UNC5C: variants seen among roughly 807,000 people sequenced by gnomAD.
UNC5C encodes the protein unc-5 netrin receptor C.
In UNC5C, 47 loss-of-function variants were observed where a neutral mutation model predicts 99.8. The ratio of observed to expected loss-of-function variants is 0.47; its 90% CI spans 0.37 to 0.60. UNC5C has a LOEUF of 0.60. Among genes scored for constraint, UNC5C ranks in the 20% least tolerant of loss-of-function variants. The pLI is 0.00. For missense variants in UNC5C, 1,062 were observed against 1,165.9 expected (o/e 0.91, Z 1.30); for synonymous variants, 487 against 452.2 (o/e 1.08, Z -0.98).
intron 12 of UNC5C, among the ~76,000 whole-genome samples, chr4:95,189,914 A>G (rs1176430776): frequency 6.6e-6 from 1 of 152,224 alleles, no homozygotes; most frequent in Non-Finnish European, 1.5e-5. Context: ...TAGTTCAGCC[A>G]TTGTGGAAGT....
At chr4:95,490,056 A>G (rs79471698) in intron 1 of UNC5C, among the ~76,000 whole-genome samples, 17,408 of 151,506 alleles carry the variant, frequency 0.11, 1,220 homozygotes, top group African/African-American at 0.19. Context: ...CCCCAGATGG[A>G]GTCCTGAGGC....
At chr4:95,175,285 T>G (rs1303476897) in intron 14 of UNC5C, among the ~76,000 whole-genome samples, 1 of 151,976 alleles carries the variant, frequency 6.6e-6, no homozygotes, top group African/African-American at 2.4e-5. Context: ...AGCCTGTCAT[T>G]ATGATGTTAG....
chr4:95,189,859 G>A (rs1369655736), intron 12 of UNC5C, among the ~76,000 whole-genome samples: 2 of 152,214 alleles, frequency 1.3e-5, no homozygotes, highest in African/African-American at 2.4e-5. Context: ...TGGAGAGGAT[G>A]TGGAGAAATA....
intron 1 of UNC5C, among the ~76,000 whole-genome samples, chr4:95,393,647 T>C (rs1013289481): frequency 6.6e-6 from 1 of 152,210 alleles, no homozygotes; most frequent in African/African-American, 2.4e-5. Flanking sequence ...CAATTATCCA[T>C]CTTGACCCTG....
At chr4:95,403,734 T>A (rs1210583886) in intron 1 of UNC5C, among the ~76,000 whole-genome samples, 4 of 152,232 alleles carry the variant, frequency 2.6e-5, no homozygotes, top group Non-Finnish European at 4.4e-5. Flanking sequence ...GTGGATCTTG[T>A]TCAATCCTTG....
intron 1 of UNC5C, among the ~76,000 whole-genome samples, chr4:95,460,820 T>C (rs920226453): frequency 1.3e-5 from 2 of 152,208 alleles, no homozygotes; most frequent in African/African-American, 4.8e-5. Flanking sequence ...ATGGGAGTGA[T>C]ACTTCATCAC....
intron 1 of UNC5C, among the ~76,000 whole-genome samples, chr4:95,531,406 T>G (rs939753114): frequency 6.6e-6 from 1 of 152,244 alleles, no homozygotes; most frequent in Non-Finnish European, 1.5e-5. Flanking sequence ...CACAGCTCTC[T>G]GCGGTAATTA....
chr4:95,472,086 G>T (rs900823021), intron 1 of UNC5C, among the ~76,000 whole-genome samples: 1 of 152,082 alleles, frequency 6.6e-6, no homozygotes, highest in Admixed American at 6.6e-5. Flanking sequence ...ATAGATGTGT[G>T]TTAAAATACC....
At chr4:95,412,959 AC>A (rs1746041464) in intron 1 of UNC5C, among the ~76,000 whole-genome samples, 1 of 152,122 alleles carries the variant, frequency 6.6e-6, no homozygotes, top group Admixed American at 6.5e-5. Context: ...CCATCTACAT[AC>A]CCAGGATTCT....
At chr4:95,445,165 C>A (rs967798550) in intron 1 of UNC5C, among the ~76,000 whole-genome samples, 1 of 152,088 alleles carries the variant, frequency 6.6e-6, no homozygotes, top group Admixed American at 6.6e-5. Flanking sequence ...ATTCATATAA[C>A]AAATATATAT....
chr4:95,316,751 A>G (rs2149410881), intron 2 of UNC5C, among the ~76,000 whole-genome samples: 1 of 152,272 alleles, frequency 6.6e-6, no homozygotes, highest in South Asian at 2.1e-4. Flanking sequence ...AATAATATAG[A>G]TTTTTGTCCC....
chr4:95,207,413 G>C (rs1453145648), intron 10 of UNC5C, among the ~76,000 whole-genome samples: 1 of 151,878 alleles, frequency 6.6e-6, no homozygotes, highest in Admixed American at 6.6e-5. Context: ...AGAGAATCTG[G>C]GCAGAAAGAA....
intron 1 of UNC5C, among the ~76,000 whole-genome samples, chr4:95,538,983 CA>C (rs1222325285): frequency 6.6e-6 from 1 of 151,946 alleles, no homozygotes; most frequent in Non-Finnish European, 1.5e-5. Flanking sequence ...TGAGGGTGTC[CA>C]AGAAAATCAA....
chr4:95,336,633 T>C (rs1743360319), intron 1 of UNC5C, among the ~76,000 whole-genome samples: 1 of 151,896 alleles, frequency 6.6e-6, no homozygotes, highest in Non-Finnish European at 1.5e-5. Context: ...CTAAGAAAAC[T>C]GGCTTGGAAC....
At chr4:95,521,248 G>T in intron 1 of UNC5C, among the ~76,000 whole-genome samples, 1 of 127,694 alleles carries the variant, frequency 7.8e-6, no homozygotes, top group African/African-American at 3.0e-5. Flanking sequence ...GTGGAGTTTC[G>T]CTCTTGTTGC....
intron 1 of UNC5C, among the ~76,000 whole-genome samples, chr4:95,453,485 A>G (rs1001071187): frequency 1.3e-5 from 2 of 152,056 alleles, no homozygotes; most frequent in Non-Finnish European, 2.9e-5. Flanking sequence ...AAGAAAAAAG[A>G]GAAAAGGAAG....
intron 1 of UNC5C, among the ~76,000 whole-genome samples, chr4:95,420,221 A>T (rs1746277672): frequency 6.6e-6 from 1 of 152,200 alleles, no homozygotes; most frequent in Non-Finnish European, 1.5e-5. Context: ...ATGAAAGCTC[A>T]TTGAACAAGT....
chr4:95,425,446 C>G (rs910178062), intron 1 of UNC5C, among the ~76,000 whole-genome samples: 5 of 152,222 alleles, frequency 3.3e-5, no homozygotes, highest in African/African-American at 9.6e-5. Flanking sequence ...TTCAGCGTCG[C>G]GAGTAACTGG....
rs375752709 is a variant in UNC5C, at chr4:95,383,842, A to G, written c.125-48211T>C. 1.3e-3 allele frequency among the ~76,000 whole-genome samples: 195 copies of G among 152,324 alleles called. 1 individual carries two copies. Among genetic ancestry groups the G allele is most frequent in the African/African-American group, 4.5e-3 (187 of 41,588 alleles). On this transcript the variant is annotated intron_variant, in intron 1 of 15. Transcript: ENST00000453304. ...TTCCCAGTTTTTAATAAATGGAGACATGGACATTCTCATTACATTAGCAAA... is the reference window on the plus strand; with the variant it reads ...TTCCCAGTTTTTAATAAATGGAGACGTGGACATTCTCATTACATTAGCAAA...
Sources: gnomAD v4.1 joint callset for allele counts (sites outside exome capture counted in the v4.1 genomes callset) on GRCh38, gnomAD v4.1.1 for gene constraint, MANE v1.5 for transcripts, NCBI Gene and HGNC (gene_info 2026-07-23, HGNC 2026-07-21) for gene names.